The following LOXL2 variants were observed in gnomAD, a reference collection of about 807,000 sequenced individuals.
The protein encoded by LOXL2 is lysyl oxidase homolog 2.
A neutral mutation model predicts 93.0 loss-of-function variants in LOXL2; 70 were observed. That is an observed-to-expected ratio of 0.75 (90% CI 0.62 to 0.92). The LOEUF is 0.92. Among genes scored for constraint, LOXL2 ranks in the 40% least tolerant of loss-of-function variants. The probability of loss-of-function intolerance (pLI) is 0.00; values close to 1 mark genes in which losing one functional copy is unlikely to be tolerated. For synonymous variants in LOXL2, 438 were observed against 413.2 expected, an observed-to-expected ratio of 1.06 and a Z score of -0.73; for missense variants, 973 against 1,054.9, an observed-to-expected ratio of 0.92 and a Z score of 1.08.
chr8:23,362,464 A>C (rs1804312131), intron 2 of LOXL2, among the ~76,000 whole-genome samples: 1 of 152,194 alleles, frequency 6.6e-6, no homozygotes, highest in Non-Finnish European at 1.5e-5. Context: ...GGCTGGGCAC[A>C]GTTCATGCCT....
intron 4 of LOXL2, among the ~76,000 whole-genome samples, chr8:23,335,897 T>C (rs1413625640): frequency 6.6e-6 from 1 of 152,222 alleles, no homozygotes; most frequent in African/African-American, 2.4e-5. Context: ...TCTAGTGTGC[T>C]TGTGAACACA....
chr8:23,328,877 A>C, intron 5 of LOXL2: 1 of 273,272 alleles, frequency 3.7e-6, no homozygotes, highest in Non-Finnish European at 7.0e-6. Context: ...ATCACTCATC[A>C]CCCCAACCTT....
At chr8:23,301,885 G>C (rs981234191) in intron 12 of LOXL2, 142 bp downstream of exon 12, 71 of 994,876 alleles carry the variant, frequency 7.1e-5, no homozygotes, top group Non-Finnish European at 1.0e-4. Flanking sequence ...CTGATGGACC[G>C]TGATGGCCTC....
intron 1 of LOXL2, among the ~76,000 whole-genome samples, chr8:23,378,974 C>G (rs1027950532): frequency 3.3e-5 from 5 of 152,268 alleles, no homozygotes; most frequent in African/African-American, 1.2e-4. Context: ...CCATTGCTGG[C>G]GAGGAGCTGT....
intron 5 of LOXL2, among the ~76,000 whole-genome samples, chr8:23,329,719 C>G (rs1199827205): frequency 6.6e-6 from 1 of 152,226 alleles, no homozygotes; most frequent in Non-Finnish European, 1.5e-5. Flanking sequence ...GAGTCATTGC[C>G]TGCCCTAGCC....
At chr8:23,373,669 T>C (rs1215428525) in intron 1 of LOXL2, among the ~76,000 whole-genome samples, 1 of 152,180 alleles carries the variant, frequency 6.6e-6, no homozygotes, top group Non-Finnish European at 1.5e-5. Context: ...TTTAATTCAC[T>C]TGATGTGGTA....
intron 3 of LOXL2, among the ~76,000 whole-genome samples, chr8:23,350,819 C>T (rs1271910887): frequency 1.3e-5 from 2 of 152,114 alleles, no homozygotes; most frequent in Non-Finnish European, 2.9e-5. Flanking sequence ...GTTTCATTTT[C>T]CAAGCAGGCA....
rs200187619 is a variant in LOXL2 at position 23,302,174 on chromosome 8, G to C, written c.1997-11C>G. On this transcript the variant is annotated splice_polypyrimidine_tract_variant and intron_variant, in intron 11 of 13. Coordinates refer to ENST00000389131, the MANE Select transcript of LOXL2 (RefSeq NM_002318.3). ...AATTCTTCTGGATGTCTGCGGGCAG[G>C]GTAGAGGAGAGCTCATCACCAGGGA... 6.2e-7 allele frequency: 1 copy of C among 1,613,804 alleles called. No homozygotes were observed. The highest frequency in any genetic ancestry group is 8.5e-7 in the Non-Finnish European group (1 of 1,179,732).
At chr8:23,319,840 A>C (rs756161240) in intron 8 of LOXL2, 45 bp downstream of exon 8, 1 of 1,594,010 alleles carries the variant, frequency 6.3e-7, no homozygotes, top group Non-Finnish European at 8.5e-7. Context: ...GTGTGGTCAG[A>C]CTGCATGGGG....
At chr8:23,390,575 C>T (rs146121842) in intron 1 of LOXL2, among the ~76,000 whole-genome samples, 257 of 152,310 alleles carry the variant, frequency 1.7e-3, no homozygotes, top group African/African-American at 5.9e-3. Flanking sequence ...CGCAGCCCAC[C>T]GCTGGCTCTG....
At position 23,322,238 on chromosome 8, in the gene LOXL2, A is replaced by G. The variant is rs148580652; in HGVS notation, c.1194T>C (p.Asn398=). ...ACTTGCAGTCTATAATGGACTTCTC[A>G]TTGCCTGTGCACTGGATCTCGTTGA... The part of the protein sequence containing the change: ...IHLNEIQCTG[N]EKSIIDCKFN... The change falls in exon 7 of 14, where the codon AAT becomes AAC. Residue 398 remains asparagine (N), a synonymous_variant. Coordinates refer to ENST00000389131, the MANE Select transcript of LOXL2 (RefSeq NM_002318.3). 1.2e-6 allele frequency: 2 copies of G among 1,613,112 alleles called. No individual in the cohort carries two copies. The highest frequency in any genetic ancestry group is 1.7e-6 in the Non-Finnish European group (2 of 1,179,082).
At chr8:23,377,288 C>A (rs1804608586) in intron 1 of LOXL2, among the ~76,000 whole-genome samples, 1 of 152,154 alleles carries the variant, frequency 6.6e-6, no homozygotes, top group African/African-American at 2.4e-5. Flanking sequence ...AGTTTGATTG[C>A]ACTGTGGTCT....
intron 4 of LOXL2, among the ~76,000 whole-genome samples, chr8:23,339,731 C>T (rs1803849782): frequency 6.6e-6 from 1 of 152,192 alleles, no homozygotes; most frequent in Non-Finnish European, 1.5e-5. Context: ...CCAAAGTATT[C>T]AGAGGACGGC....
intron 3 of LOXL2, among the ~76,000 whole-genome samples, chr8:23,357,843 G>T (rs1228533013): frequency 1.3e-5 from 2 of 152,120 alleles, no homozygotes; most frequent in East Asian, 3.9e-4. Flanking sequence ...GCTTCTCATT[G>T]CTGTTTAGCT....
chr8:23,355,574 C>CT (rs1804183814), intron 3 of LOXL2, among the ~76,000 whole-genome samples: 1 of 109,766 alleles, frequency 9.1e-6, no homozygotes, highest in Non-Finnish European at 1.8e-5. Flanking sequence ...TGATACTGAG[C>CT]TTTTAGTCAA....
At chr8:23,352,548 C>T (rs1362844320) in intron 3 of LOXL2, among the ~76,000 whole-genome samples, 1 of 152,138 alleles carries the variant, frequency 6.6e-6, no homozygotes, top group African/African-American at 2.4e-5. Context: ...TGAAGCCCTC[C>T]ACCCTCTGCC....
At chr8:23,319,807 G>T in intron 8 of LOXL2, 78 bp downstream of exon 8, 1 of 1,475,736 alleles carries the variant, frequency 6.8e-7, no homozygotes, top group Non-Finnish European at 9.3e-7. Context: ...GGGTACGTGG[G>T]AGAGGGGGGC....
At chr8:23,300,562 A>G (rs1803112967) in intron 12 of LOXL2, among the ~76,000 whole-genome samples, 1 of 152,168 alleles carries the variant, frequency 6.6e-6, no homozygotes, top group South Asian at 2.1e-4. Context: ...CACCTAAAGA[A>G]GCTCCATGTC....
intron 1 of LOXL2, among the ~76,000 whole-genome samples, chr8:23,398,370 G>A (rs1297869219): frequency 3.3e-5 from 5 of 152,172 alleles, no homozygotes; most frequent in South Asian, 2.1e-4. Flanking sequence ...CTTGTCTGAC[G>A]TGGATCGTAG....
Sources: allele counts gnomAD v4.1 joint callset (sites outside exome capture counted in the v4.1 genomes callset), GRCh38; gene constraint gnomAD v4.1.1; transcripts MANE v1.5; gene names NCBI Gene and HGNC (gene_info 2026-07-23, HGNC 2026-07-21).